Variants in SYNPO observed in about 807,000 individuals in gnomAD.
The protein encoded by SYNPO is synaptopodin.
In SYNPO, 19 loss-of-function variants were observed where a neutral mutation model predicts 49.5. The ratio of observed to expected loss-of-function variants is 0.38; its 90% CI spans 0.27 to 0.56. The LOEUF (loss-of-function observed/expected upper bound fraction) is 0.56. SYNPO is among the 20% of genes least tolerant of loss of function. The probability of loss-of-function intolerance (pLI) is 0.68; values close to 1 mark genes in which losing one functional copy is unlikely to be tolerated. For missense variants in SYNPO, 1,131 were observed against 1,248.3 expected, an observed-to-expected ratio of 0.91 and a Z score of 1.42; for synonymous variants, 536 against 548.0, an observed-to-expected ratio of 0.98 and a Z score of 0.31.
intron 1 of SYNPO, among the ~76,000 whole-genome samples, chr5:150,609,515 G>C (rs578196854): frequency 1.3e-5 from 2 of 152,204 alleles, no homozygotes; most frequent in East Asian, 1.9e-4. Flanking sequence ...GGCTGGTCTC[G>C]AACTCCTGAC....
the SYNPO span, among the ~76,000 whole-genome samples, chr5:150,586,025 C>T: frequency 1.3e-5 from 2 of 152,214 alleles, no homozygotes; most frequent in African/African-American, 2.4e-5. Flanking sequence ...TGCCAGGGGC[C>T]GGCACAAGTA....
chr5:150,624,887 G>C, intron 2 of SYNPO: 2 of 985,508 alleles, frequency 2.0e-6, no homozygotes, highest in Non-Finnish European at 2.4e-6. Context: ...GGAGCTCGGG[G>C]ACCGTGCGCA....
upstream of SYNPO, among the ~76,000 whole-genome samples, chr5:150,638,898 A>G (rs943982736): frequency 5.3e-5 from 8 of 152,164 alleles, no homozygotes; most frequent in African/African-American, 1.9e-4. Flanking sequence ...GTGAAACAGC[A>G]GGAGGGGGCT....
intron 1 of SYNPO, among the ~76,000 whole-genome samples, chr5:150,611,400 C>T (rs1395720009): frequency 6.6e-6 from 1 of 152,228 alleles, no homozygotes; most frequent in Non-Finnish European, 1.5e-5. Flanking sequence ...CAGTAAGATG[C>T]AGGGACTCAT....
upstream of SYNPO, among the ~76,000 whole-genome samples, chr5:150,637,566 G>A (rs143192033): frequency 2.0e-5 from 3 of 152,270 alleles, no homozygotes; most frequent in African/African-American, 7.2e-5. Context: ...CTGTGAGCGC[G>A]CCTGAGACCC....
At chr5:150,602,280 G>A (rs1756564512) in intron 1 of SYNPO, among the ~76,000 whole-genome samples, 1 of 152,196 alleles carries the variant, frequency 6.6e-6, no homozygotes, top group East Asian at 1.9e-4. Context: ...TGTTGGACAC[G>A]TCTCCTCCTG....
chr5:150,602,806 G>A (rs1040702057), intron 1 of SYNPO, among the ~76,000 whole-genome samples: 7 of 152,014 alleles, frequency 4.6e-5, no homozygotes, highest in East Asian at 1.9e-4. Flanking sequence ...TTCCCAGCGC[G>A]CTGGGATTAC....
At chr5:150,613,021 A>C (rs1756891848) in intron 1 of SYNPO, among the ~76,000 whole-genome samples, 1 of 152,154 alleles carries the variant, frequency 6.6e-6, no homozygotes, top group Non-Finnish European at 1.5e-5. Flanking sequence ...TCAGGTGATC[A>C]TCTCACCTTT....
chr5:150,612,049 C>T (rs1192683133), intron 1 of SYNPO, among the ~76,000 whole-genome samples: 1 of 152,192 alleles, frequency 6.6e-6, no homozygotes, highest in Non-Finnish European at 1.5e-5. Flanking sequence ...GAGGAAGAAA[C>T]CCCCAACCTT....
At chr5:150,640,551 A>C (rs1757865144), upstream of SYNPO, 1 of 713,324 alleles carries the variant, frequency 1.4e-6, no homozygotes, top group African/African-American at 1.9e-5. Context: ...GCATGAGTGG[A>C]GCCCGGAGGG....
At chr5:150,637,822 A>C (rs987176752), upstream of SYNPO, among the ~76,000 whole-genome samples, 6 of 152,170 alleles carry the variant, frequency 3.9e-5, no homozygotes, top group Non-Finnish European at 8.8e-5. Context: ...GTCCTTTCCT[A>C]TAAGAAGGAA....
intron 2 of SYNPO, among the ~76,000 whole-genome samples, chr5:150,630,904 C>G (rs1005688519): frequency 6.6e-6 from 1 of 152,162 alleles, no homozygotes; most frequent in Non-Finnish European, 1.5e-5. Flanking sequence ...TGCTGTCAAT[C>G]AAAGTTCTTT....
intron 2 of SYNPO, among the ~76,000 whole-genome samples, chr5:150,628,307 C>A (rs1757430690): frequency 6.6e-6 from 1 of 152,150 alleles, no homozygotes; most frequent in African/African-American, 2.4e-5. Context: ...CCTGCCCTAC[C>A]CTACCCTGTC....
chr5:150,600,264 C>T (rs1311529225), upstream of SYNPO, among the ~76,000 whole-genome samples: 1 of 152,262 alleles, frequency 6.6e-6, no homozygotes, highest in Non-Finnish European at 1.5e-5. Context: ...GCCCCATTCC[C>T]AGCCCTGCTG....
upstream of SYNPO, among the ~76,000 whole-genome samples, chr5:150,600,575 T>C (rs947643979): frequency 1.7e-4 from 26 of 152,182 alleles, no homozygotes; most frequent in Non-Finnish European, 3.5e-4. Flanking sequence ...CTTCTGGAAC[T>C]CTTAACACTC....
At chr5:150,603,319 CCAG>C (rs1756602185) in intron 1 of SYNPO, among the ~76,000 whole-genome samples, 1 of 152,222 alleles carries the variant, frequency 6.6e-6, no homozygotes, top group Non-Finnish European at 1.5e-5. Context: ...GTTTTATCTG[CCAG>C]CCCAGGACTA....
intron 2 of SYNPO, 79 bp downstream of exon 2, chr5:150,650,382 C>A: frequency 6.3e-7 from 1 of 1,587,704 alleles, no homozygotes; most frequent in Non-Finnish European, 8.6e-7. Context: ...TCCTTGAGGG[C>A]CAGATGGAGA....
At chr5:150,589,034 C>T in the SYNPO span, among the ~76,000 whole-genome samples, 1 of 151,460 alleles carries the variant, frequency 6.6e-6, no homozygotes, top group Non-Finnish European at 1.5e-5. Context: ...CTATACACAC[C>T]ATTCTCTGTT....
chr5:150,619,106 G>A (rs899650232), intron 2 of SYNPO, among the ~76,000 whole-genome samples: 1 of 152,114 alleles, frequency 6.6e-6, no homozygotes, highest in African/African-American at 2.4e-5. Flanking sequence ...AAATCACTGC[G>A]GTGTCCCAAG....
Sources: allele counts gnomAD v4.1 joint callset (sites outside exome capture counted in the v4.1 genomes callset), GRCh38; gene constraint gnomAD v4.1.1; transcripts MANE v1.5; gene names NCBI Gene and HGNC (gene_info 2026-07-23, HGNC 2026-07-21).